CWC27: variants seen among roughly 807,000 people sequenced by gnomAD.
CWC27 encodes spliceosome-associated protein CWC27 homolog.
CWC27 carries 47 observed loss-of-function variants against 63.6 expected under a neutral mutation model. The observed-to-expected ratio is 0.74, with a 90% confidence interval of 0.58 to 0.94. The LOEUF (loss-of-function observed/expected upper bound fraction) is 0.94, where lower values mean the gene tolerates loss of function less well. CWC27 is among the 40% of genes least tolerant of loss of function. CWC27 has a pLI of 0.00. For missense variants in CWC27, 495 were observed against 554.3 expected (o/e 0.89, Z 1.07); for synonymous variants, 175 against 179.8 (o/e 0.97, Z 0.22).
intron 11 of CWC27, among the ~76,000 whole-genome samples, chr5:64,901,317 C>T (rs926294045): frequency 6.6e-6 from 1 of 151,812 alleles, no homozygotes; most frequent in Non-Finnish European, 1.5e-5. Context: ...AAAAATTAGC[C>T]GGGTGTGGTG....
In CWC27 at chr5:64,847,901, C is replaced by CA. The variant is rs917102257; in HGVS notation, c.939-37532dup. Among the ~76,000 whole-genome samples the CA allele has an allele frequency of 8.6e-4, 124 of 144,688 alleles. 1 individual carries two copies. The highest frequency in any genetic ancestry group is 2.0e-3 in the African/African-American group (80 of 39,630). The allele number at this position is 144,688 out of a possible 152,430, so 94.9% of individuals were successfully genotyped here. ...GCAGTTCTATGAGGAATGTTTATAG[C>CA]AAAAAAAAAATATCAAAAAAGAGAG... On this transcript the variant is annotated intron_variant, in intron 10 of 13. Transcript: ENST00000381070.
chr5:64,781,772 T>G (rs1172004139), intron 2 of CWC27, 149 bp from the exon 3 acceptor site: 1 of 454,334 alleles, frequency 2.2e-6, no homozygotes, highest in Non-Finnish European at 4.0e-6. Flanking sequence ...AGTAACTATT[T>G]TATAAGAAGG....
chr5:64,866,796 C>A (rs1476845694), intron 10 of CWC27, among the ~76,000 whole-genome samples: 1 of 151,936 alleles, frequency 6.6e-6, no homozygotes, highest in Non-Finnish European at 1.5e-5. Context: ...TATATTGAGG[C>A]CCATTTTATG....
chr5:64,850,336 A>T (rs79882804), intron 10 of CWC27, among the ~76,000 whole-genome samples: 256 of 152,298 alleles, frequency 1.7e-3, no homozygotes, highest in African/African-American at 5.8e-3. Flanking sequence ...CTGCATTGGG[A>T]AAAGGATAGT....
At chr5:64,864,225 C>A (rs1465169184) in intron 10 of CWC27, among the ~76,000 whole-genome samples, 1 of 152,128 alleles carries the variant, frequency 6.6e-6, no homozygotes, top group African/African-American at 2.4e-5. Flanking sequence ...AATATGATTA[C>A]ATAAATGATA....
chr5:64,985,496 G>T (rs1181268063), intron 13 of CWC27, among the ~76,000 whole-genome samples: 2 of 151,934 alleles, frequency 1.3e-5, no homozygotes, highest in Non-Finnish European at 2.9e-5. Context: ...TGTGTTTTTG[G>T]ATTTAAAACC....
At chr5:64,956,690 C>T (rs1019884473) in intron 11 of CWC27, among the ~76,000 whole-genome samples, 2 of 152,114 alleles carry the variant, frequency 1.3e-5, no homozygotes, top group African/African-American at 4.8e-5. Flanking sequence ...CTCACTCCTA[C>T]GCATAATAGT....
At chr5:64,882,823 C>T (rs1251021591) in intron 10 of CWC27, among the ~76,000 whole-genome samples, 1 of 152,154 alleles carries the variant, frequency 6.6e-6, no homozygotes, top group Admixed American at 6.5e-5. Flanking sequence ...GTCTCGATCT[C>T]CTGACCTCGT....
At chr5:65,008,728 G>A (rs1279849536) in intron 13 of CWC27, among the ~76,000 whole-genome samples, 1 of 152,162 alleles carries the variant, frequency 6.6e-6, no homozygotes, top group Non-Finnish European at 1.5e-5. Context: ...AACAAAAACA[G>A]TGAATGTATA....
At chr5:64,913,142 A>G (rs1370385671) in intron 11 of CWC27, among the ~76,000 whole-genome samples, 1 of 152,180 alleles carries the variant, frequency 6.6e-6, no homozygotes, top group East Asian at 1.9e-4. Context: ...ATAGAACCAA[A>G]GGAAAAATCA....
chr5:64,860,939 C>T (rs1746396570), intron 10 of CWC27, among the ~76,000 whole-genome samples: 1 of 152,090 alleles, frequency 6.6e-6, no homozygotes, highest in African/African-American at 2.4e-5. Flanking sequence ...ACAAGCAGCT[C>T]ATAATTTTTT....
chr5:64,952,439 G>A (rs1415814230), intron 11 of CWC27, among the ~76,000 whole-genome samples: 1 of 151,902 alleles, frequency 6.6e-6, no homozygotes, highest in Non-Finnish European at 1.5e-5. Flanking sequence ...AAATTTTTGA[G>A]GTTACTGGTT....
intron 11 of CWC27, among the ~76,000 whole-genome samples, chr5:64,954,082 G>A (rs986347325): frequency 1.1e-4 from 17 of 152,068 alleles, no homozygotes; most frequent in African/African-American, 4.1e-4. Flanking sequence ...TCTAGGCTCT[G>A]GACATAAAAT....
At chr5:64,938,047 A>C (rs1398256979) in intron 11 of CWC27, among the ~76,000 whole-genome samples, 1 of 148,762 alleles carries the variant, frequency 6.7e-6, no homozygotes, top group East Asian at 2.0e-4. Context: ...ATGGGTCTTG[A>C]CTCTTTATCC....
intron 9 of CWC27, 56 bp from the exon 10 acceptor site, chr5:64,804,173 T>C: frequency 6.7e-7 from 1 of 1,502,248 alleles, no homozygotes; most frequent in East Asian, 2.3e-5. Flanking sequence ...AATAGATCTC[T>C]AGAAATGAAA....
intron 10 of CWC27, among the ~76,000 whole-genome samples, chr5:64,843,615 T>C (rs1326843389): frequency 1.3e-5 from 2 of 152,202 alleles, no homozygotes; most frequent in Non-Finnish European, 2.9e-5. Flanking sequence ...TTGACATATC[T>C]ATATCTAGTA....
At chr5:64,815,391 T>C (rs1276200950) in intron 10 of CWC27, among the ~76,000 whole-genome samples, 1 of 152,194 alleles carries the variant, frequency 6.6e-6, no homozygotes, top group Non-Finnish European at 1.5e-5. Context: ...GATGAAGGAA[T>C]GATATGCTGG....
chr5:64,873,301 GAAC>G (rs1249106829), intron 10 of CWC27, among the ~76,000 whole-genome samples: 3 of 151,962 alleles, frequency 2.0e-5, no homozygotes, highest in African/African-American at 7.2e-5. Context: ...TTAATAAATT[GAAC>G]AATAGTATTT....
intron 13 of CWC27, among the ~76,000 whole-genome samples, chr5:65,014,180 T>A (rs1248776968): frequency 6.9e-6 from 1 of 145,616 alleles, no homozygotes; most frequent in Non-Finnish European, 1.5e-5. Context: ...AATAGTAAAC[T>A]TCCATATTTT....
Sources: allele counts gnomAD v4.1 joint callset (sites outside exome capture counted in the v4.1 genomes callset), GRCh38; gene constraint gnomAD v4.1.1; transcripts MANE v1.5; gene names NCBI Gene and HGNC (gene_info 2026-07-23, HGNC 2026-07-21).